Variants in NVL observed in about 807,000 individuals in gnomAD.
NVL encodes the protein nuclear valosin-containing protein-like.
In NVL, 84 loss-of-function variants were observed where a neutral mutation model predicts 110.2. The ratio of observed to expected loss-of-function variants is 0.76; its 90% confidence interval spans 0.64 to 0.91. The LOEUF is 0.91. NVL is among the 40% of genes least tolerant of loss of function. The probability of loss-of-function intolerance (pLI) is 0.00; values close to 1 mark genes in which losing one functional copy is unlikely to be tolerated. For synonymous variants in NVL, 354 were observed against 361.1 expected (o/e 0.98, Z 0.22); for missense variants, 882 against 1,035.9 (o/e 0.85, Z 2.04).
chr1:224,323,034 T>TTA (rs902141873), intron 2 of NVL, among the ~76,000 whole-genome samples: 2 of 151,876 alleles, frequency 1.3e-5, no homozygotes, highest in Non-Finnish European at 2.9e-5. Flanking sequence ...GGTTCTATAG[T>TTA]TATATACACA....
Position 224,250,269 on chromosome 1 carries a change from C to G in NVL, c.2232G>C (p.Leu744=). The stretch of plus-strand genomic sequence containing the variant: ...CTGCAGGGGGCGGTAAACCCACAAA[C>G]AGTGTTTTGTCCAGGCGGCCCGGGC... The part of the protein sequence containing the change: ...ILRPGRLDKT[L]FVGLPPPADR... The change falls in exon 19 of 23, where the codon CTG becomes CTC. Residue 744 remains leucine (L), a synonymous_variant. Coordinates refer to ENST00000281701, the MANE Select transcript of NVL (RefSeq NM_002533.4). 6.2e-7 allele frequency: 1 copy of G among 1,607,616 alleles called. No homozygotes were observed. Among genetic ancestry groups the G allele is most frequent in the East Asian group, 2.3e-5 (1 of 44,278 alleles).
At chr1:224,291,138 T>C (rs969913671) in intron 12 of NVL, among the ~76,000 whole-genome samples, 2 of 152,254 alleles carry the variant, frequency 1.3e-5, no homozygotes, top group Non-Finnish European at 2.9e-5. Flanking sequence ...AGAGGGCTGT[T>C]GCTACAAATG....
Position 224,267,402 on chromosome 1 carries a change from T to C in NVL, c.2182+632A>G, listed in dbSNP as rs138160756. On this transcript the variant is annotated intron_variant, in intron 18 of 22. Coordinates refer to ENST00000281701, the MANE Select transcript of NVL (RefSeq NM_002533.4). ...AAATACTTTTGTGGTCAAAAGTGTA[T>C]GCTGGTCGGGTGCAGTGGCTCACGT... Among the ~76,000 whole-genome samples the C allele has an allele frequency of 1.7e-3, 261 of 152,196 alleles. 7 individuals are homozygous for C. The East Asian group carries it at 0.043, about 25-fold the overall frequency.
chr1:224,308,428 T>A (rs1398868766), intron 5 of NVL, among the ~76,000 whole-genome samples, 165 bp from the exon 6 acceptor site: 1 of 152,116 alleles, frequency 6.6e-6, no homozygotes, highest in Non-Finnish European at 1.5e-5. Context: ...CAGTGGCTTA[T>A]GCCTGTAATC....
At chr1:224,274,060 C>CACACACACACACACACACACACA (rs1553317811) in intron 17 of NVL, among the ~76,000 whole-genome samples, 1 of 12,482 alleles carries the variant, frequency 8.0e-5, no homozygotes, top group Non-Finnish European at 2.1e-4. Flanking sequence ...ACACACACAC[C>CACACACACACACACACACACACA]CATATTGAAA....
intron 5 of NVL, among the ~76,000 whole-genome samples, chr1:224,308,740 A>G (rs930184743): frequency 6.7e-6 from 1 of 148,262 alleles, no homozygotes; most frequent in Non-Finnish European, 1.5e-5. Context: ...CAATAAGATG[A>G]CTCACAAACA....
chr1:224,257,045 C>A, intron 18 of NVL: 1 of 524,106 alleles, frequency 1.9e-6, no homozygotes. Context: ...CTTTTTTTTT[C>A]CTTTTGCCCT....
At chr1:224,227,767 A>G (rs1311183727) in intron 22 of NVL, 97 bp from the exon 23 acceptor site, 22 of 1,082,396 alleles carry the variant, frequency 2.0e-5, no homozygotes, top group Non-Finnish European at 3.0e-5. Flanking sequence ...CCGCACCCGC[A>G]GGACCTCAGA....
At chr1:224,250,185 C>G in intron 19 of NVL, 27 bp downstream of exon 19, 5 of 1,601,306 alleles carry the variant, frequency 3.1e-6, no homozygotes, top group Non-Finnish European at 4.3e-6. Context: ...GAAACATATA[C>G]AAAAATATAC....
Position 224,305,139 on chromosome 1 carries a change from T to C in NVL, c.643A>G (p.Ser215Gly). ...AGCTTGCCTTTCCGTTTCATATCAC[T>C]CTCCAAAAGAGAAGAATCTTTTGAA... ...QDSKDSSLLE[S>G]DMKRKGKLKN... is the part of the protein sequence containing the mutation. The change falls in exon 7 of 23, where the codon AGT becomes GGT. Residue 215 changes from serine to glycine, a missense_variant. Physicochemically the swap from Ser to Gly is moderately conservative, Grantham distance 56 (BLOSUM62 0). Coordinates refer to ENST00000281701, the MANE Select transcript of NVL (RefSeq NM_002533.4). 1.2e-6 allele frequency: 2 copies of C among 1,610,716 alleles called. No homozygotes were observed. Among genetic ancestry groups the C allele is most frequent in the Non-Finnish European group, 1.7e-6 (2 of 1,179,274 alleles).
chr1:224,322,690 A>G (rs901738549), intron 2 of NVL, among the ~76,000 whole-genome samples: 1 of 152,214 alleles, frequency 6.6e-6, no homozygotes, highest in Non-Finnish European at 1.5e-5. Flanking sequence ...GTGGTGGCTC[A>G]TGCCTATAAT....
chr1:224,254,076 T>C (rs1301612455), intron 18 of NVL, among the ~76,000 whole-genome samples: 2 of 152,178 alleles, frequency 1.3e-5, no homozygotes, highest in Non-Finnish European at 2.9e-5. Context: ...AAATGGTATA[T>C]ATTTAGGTTG....
In NVL at chr1:224,317,900, A is replaced by C; in HGVS notation, c.162T>G (p.Ala54=). Residue 54 remains alanine (A), a synonymous_variant, in exon 3 of 23, where the codon GCT becomes GCG. Coordinates refer to ENST00000281701, the MANE Select transcript of NVL (RefSeq NM_002533.4). ...SIDYGRRKRN[A]FRIQVEKVFS... is the part of the protein sequence containing the mutation. ...CACCTTTTTCTACCTGAATCCTAAAAGCATTTCTTTTTCTTCGACCATAGT... is the reference window on the plus strand; with the variant it reads ...CACCTTTTTCTACCTGAATCCTAAACGCATTTCTTTTTCTTCGACCATAGT... 1 of 1,599,642 alleles carries C rather than the reference A, an allele frequency of 6.3e-7. No individual in the cohort carries two copies. Among genetic ancestry groups the C allele is most frequent in the South Asian group, 1.1e-5 (1 of 89,638 alleles).
At chr1:224,242,267 A>G (rs1389204712) in intron 19 of NVL, among the ~76,000 whole-genome samples, 2 of 152,190 alleles carry the variant, frequency 1.3e-5, no homozygotes, top group Admixed American at 6.6e-5. Context: ...AATGCCACAG[A>G]AATATATACT....
At chr1:224,292,480 G>A (rs946785941) in intron 12 of NVL, among the ~76,000 whole-genome samples, 1 of 152,180 alleles carries the variant, frequency 6.6e-6, no homozygotes, top group Non-Finnish European at 1.5e-5. Context: ...GGAGGCAGAG[G>A]TGGAATAATT....
At chr1:224,286,435 A>G (rs1571951349) in intron 14 of NVL, among the ~76,000 whole-genome samples, 1 of 151,972 alleles carries the variant, frequency 6.6e-6, no homozygotes, top group African/African-American at 2.4e-5. Context: ...TGAACTCCTG[A>G]CCTCAGGTGA....
chr1:224,281,740 G>A (rs563161909), intron 15 of NVL, among the ~76,000 whole-genome samples: 2 of 151,470 alleles, frequency 1.3e-5, no homozygotes, highest in South Asian at 4.2e-4. Flanking sequence ...ATCACCTGAG[G>A]TCAGGAGTTT....
At chr1:224,329,307 C>G (rs1314399104) in intron 1 of NVL, among the ~76,000 whole-genome samples, 2 of 151,144 alleles carry the variant, frequency 1.3e-5, no homozygotes, top group Non-Finnish European at 2.9e-5. Flanking sequence ...AATGAGATCA[C>G]ATAGGAAGTA....
At position 224,296,523 on chromosome 1, in the gene NVL, G is replaced by C. The variant is rs764882991; in HGVS notation, c.1158C>G (p.Ala386=). 3.8e-6 allele frequency: 6 copies of C among 1,598,268 alleles called. No homozygotes were observed. In the Admixed American group the frequency reaches 6.9e-5, roughly 18 times the overall value. The part of the protein sequence containing the change: ...ASKDMERRIV[A]QLLTCMDDLN... ...AACCATCCATGCAGGTTAGGAGTTGGGCTACAATTCTTCGTTCCATATCTT... is the reference window on the plus strand; with the variant it reads ...AACCATCCATGCAGGTTAGGAGTTGCGCTACAATTCTTCGTTCCATATCTT... Residue 386 remains alanine (A), a synonymous_variant, in exon 11 of 23, where the codon GCC becomes GCG. Transcript: ENST00000281701.
Sources: allele counts gnomAD v4.1 joint callset (sites outside exome capture counted in the v4.1 genomes callset), GRCh38; gene constraint gnomAD v4.1.1; transcripts MANE v1.5; gene names NCBI Gene and HGNC (gene_info 2026-07-23, HGNC 2026-07-21).